The following RNF166 variants were observed in gnomAD, a reference collection of about 807,000 sequenced individuals.
The protein encoded by RNF166 is E3 ubiquitin-protein ligase RNF166.
RNF166 carries 19 observed loss-of-function variants against 29.4 expected under a neutral mutation model. The observed-to-expected ratio is 0.65, with a 90% confidence interval of 0.45 to 0.95. The LOEUF is 0.95. RNF166 is among the 40% of genes least tolerant of loss of function. RNF166 has a pLI of 0.00. For missense variants in RNF166, 347 were observed against 322.1 expected (o/e 1.08, Z -0.59); for synonymous variants, 171 against 134.5 (o/e 1.27, Z -1.88).
chr16:88,704,189 G>C (rs1191335750), intron 1 of RNF166: 1 of 985,438 alleles, frequency 1.0e-6, no homozygotes, highest in Admixed American at 6.1e-5. Flanking sequence ...ACTTCCGAAG[G>C]GAACCTGAAG....
At chr16:88,697,689 C>G (rs534641686) in intron 5 of RNF166, 56 bp from the exon 6 acceptor site, 20 of 1,325,766 alleles carry the variant, frequency 1.5e-5, no homozygotes, top group East Asian at 1.0e-4. Context: ...AGGAGAGGTC[C>G]CCTCTGCCCA....
intron 1 of RNF166, among the ~76,000 whole-genome samples, chr16:88,702,271 A>G (rs1213404485): frequency 6.6e-6 from 1 of 152,204 alleles, no homozygotes; most frequent in Non-Finnish European, 1.5e-5. Context: ...TGGGGCAGCC[A>G]CATCTGGCCT....
intron 1 of RNF166, chr16:88,704,561 C>T: frequency 1.0e-6 from 1 of 985,452 alleles, no homozygotes; most frequent in Middle Eastern, 5.2e-4. Context: ...CTGTGGCCGA[C>T]CACACGGTGA....
At position 88,705,851 on chromosome 16, in the gene RNF166, C is replaced by T. The variant is rs1299002812; in HGVS notation, c.155+320G>A. Among the ~76,000 whole-genome samples, 7 of 152,232 alleles carry T rather than the reference C, an allele frequency of 4.6e-5. No individual in the cohort carries two copies. The East Asian group carries it at 1.3e-3, about 29-fold the overall frequency. ...CTGGCGGAGCGGTGGCACCTGCTGC[C>T]CTCTGAGTACCGGAGCGCCCGCCGC... On this transcript the variant is annotated intron_variant, in intron 1 of 5. Coordinates refer to ENST00000312838, the MANE Select transcript of RNF166 (RefSeq NM_178841.4).
chr16:88,698,845 C>A, intron 4 of RNF166, 126 bp downstream of exon 4: 1 of 782,752 alleles, frequency 1.3e-6, no homozygotes, highest in South Asian at 1.6e-5. Context: ...AGTTCCCACC[C>A]TGGGTCCCAG....
intron 2 of RNF166, chr16:88,701,007 CT>C: frequency 7.3e-7 from 1 of 1,364,418 alleles, no homozygotes; most frequent in Non-Finnish European, 9.5e-7. Context: ...GTGGGTTCCC[CT>C]GGCCCGGGCT....
At chr16:88,705,710 T>G (rs2142687141) in intron 1 of RNF166, among the ~76,000 whole-genome samples, 1 of 152,358 alleles carries the variant, frequency 6.6e-6, no homozygotes, top group East Asian at 1.9e-4. Flanking sequence ...GGGAACTCCT[T>G]TCCTCTGTAG....
Position 88,697,117 on chromosome 16 carries a change from A to C in RNF166, c.*451T>G. ...AGAAAAGATGCCAGGGTTCCTAAGT[A>C]TCACAAAAGCCAGTACCAAATGCGC... On this transcript the variant is annotated 3_prime_UTR_variant, in exon 6 of 6. Coordinates refer to ENST00000312838, the MANE Select transcript of RNF166 (RefSeq NM_178841.4). 6.0e-6 allele frequency: 1 copy of C among 167,384 alleles called. No individual in the cohort carries two copies. The allele number at this position is 167,384 out of a possible 1,614,324, so 10.4% of individuals were successfully genotyped here.
At chr16:88,699,390 C>T (rs958053117) in intron 3 of RNF166, among the ~76,000 whole-genome samples, 2 of 152,244 alleles carry the variant, frequency 1.3e-5, no homozygotes, top group African/African-American at 2.4e-5. Flanking sequence ...CCTGCGCCCT[C>T]CTCCTGCTCC....
rs746770334 is a variant in RNF166 at position 88,701,058 on chromosome 16, C to G, written c.312+204G>C. The G allele has an allele frequency of 3.3e-5, 44 of 1,339,238 alleles. 1 individual carries two copies. Among genetic ancestry groups the G allele is most frequent in the Middle Eastern group, 2.7e-4 (1 of 3,670 alleles). The allele number at this position is 1,339,238 out of a possible 1,614,324, so 83.0% of individuals were successfully genotyped here. On this transcript the variant is annotated intron_variant, in intron 2 of 5. Transcript: ENST00000312838. ...GTGCTACCCCCACCGGGCTGGCCCC[C>G]CCGTCAGCCGTCACCACAGGAAGTG...
intron 1 of RNF166, chr16:88,703,071 G>C: frequency 1.0e-6 from 1 of 985,552 alleles, no homozygotes; most frequent in Non-Finnish European, 1.2e-6. Context: ...GCACCGGAAG[G>C]CCTGGAAAAC....
intron 3 of RNF166, among the ~76,000 whole-genome samples, chr16:88,699,323 C>G (rs1280327433): frequency 1.3e-5 from 2 of 152,254 alleles, no homozygotes; most frequent in Non-Finnish European, 2.9e-5. Context: ...TGGCGCTGCC[C>G]TGGCAGGAGC....
At position 88,698,531 on chromosome 16, in the gene RNF166, G is replaced by C; in HGVS notation, c.619C>G (p.Arg207Gly). Reference sequence around the variant, plus strand: ...AAGGTGTCGTAGGAGAACTTGTGTCGGTGAAGCAGGTGCTGCAGGAAGTTG... The same window carrying C: ...AAGGTGTCGTAGGAGAACTTGTGTCCGTGAAGCAGGTGCTGCAGGAAGTTG... ...SANFLQHLLH[R>G]HKFSYDTFVD... Residue 207 changes from arginine to glycine, a missense_variant, in exon 5 of 6, where the codon CGA becomes GGA. Arg to Gly is a moderately radical substitution (Grantham distance 125). Coordinates refer to ENST00000312838, the MANE Select transcript of RNF166 (RefSeq NM_178841.4). 6.4e-7 allele frequency: 1 copy of C among 1,573,660 alleles called. No homozygotes were observed. The highest frequency in any genetic ancestry group is 8.6e-7 in the Non-Finnish European group (1 of 1,159,252).
At chr16:88,701,497 G>T in intron 1 of RNF166, 79 bp from the exon 2 acceptor site, 1 of 1,380,232 alleles carries the variant, frequency 7.2e-7, no homozygotes, top group Non-Finnish European at 9.6e-7. Context: ...GCCCTTCTTA[G>T]GACCCAGCAT....
chr16:88,705,218 C>G (rs1910659556), intron 1 of RNF166, among the ~76,000 whole-genome samples: 1 of 152,220 alleles, frequency 6.6e-6, no homozygotes. Context: ...CTAGCAGTCC[C>G]AGCTCCCTCT....
At chr16:88,703,763 C>A (rs929264840) in intron 1 of RNF166, 4 of 985,520 alleles carry the variant, frequency 4.1e-6, no homozygotes, top group Non-Finnish European at 4.8e-6. Flanking sequence ...CGCGCACTGG[C>A]CCTCCCAGCA....
chr16:88,698,445 CAGG>C (rs1344292926), intron 5 of RNF166, 54 bp downstream of exon 5: 4 of 1,359,726 alleles, frequency 2.9e-6, no homozygotes, highest in South Asian at 2.5e-5. Flanking sequence ...GGGGCCCGAG[CAGG>C]AGGAGGGTGG....
chr16:88,700,959 A>G, intron 2 of RNF166: 1 of 1,235,756 alleles, frequency 8.1e-7, no homozygotes, highest in Non-Finnish European at 1.0e-6. Context: ...GGAAGGTTTC[A>G]GCTCAGCCCC....
chr16:88,701,771 G>A (rs1464135718), intron 1 of RNF166: 1 of 259,828 alleles, frequency 3.8e-6, no homozygotes, highest in Non-Finnish European at 7.4e-6. Flanking sequence ...GACAACACCT[G>A]GGTGGGCTGT....
Sources: allele counts gnomAD v4.1 joint callset (sites outside exome capture counted in the v4.1 genomes callset), GRCh38; gene constraint gnomAD v4.1.1; transcripts MANE v1.5; gene names NCBI Gene and HGNC (gene_info 2026-07-23, HGNC 2026-07-21).